The following CACNA2D1 variants were observed in gnomAD, a reference collection of about 807,000 sequenced individuals.
CACNA2D1 encodes the protein voltage-dependent calcium channel subunit alpha-2/delta-1.
In CACNA2D1, 53 loss-of-function variants were observed where a neutral mutation model predicts 171.5. The ratio of observed to expected loss-of-function variants is 0.31; its 90% CI spans 0.25 to 0.39. The LOEUF (loss-of-function observed/expected upper bound fraction) is 0.39. Ranked by LOEUF, CACNA2D1 falls within the 10% of genes least tolerant of loss-of-function variation. The pLI, the probability that CACNA2D1 is intolerant of heterozygous loss-of-function variation, is 1.00. For synonymous variants in CACNA2D1, 442 were observed against 443.1 expected (o/e 1.00, Z 0.03); for missense variants, 903 against 1,299.8 (o/e 0.69, Z 4.69).
intron 3 of CACNA2D1, among the ~76,000 whole-genome samples, chr7:82,239,910 T>C (rs1804048600): frequency 6.6e-6 from 1 of 152,138 alleles, no homozygotes; most frequent in African/African-American, 2.4e-5. Flanking sequence ...TTCTACACAT[T>C]TATGAGATCT....
intron 18 of CACNA2D1, among the ~76,000 whole-genome samples, chr7:82,004,555 G>A (rs1391242941): frequency 2.0e-5 from 3 of 151,882 alleles, no homozygotes; most frequent in African/African-American, 7.3e-5. Context: ...AAGTTTTTGT[G>A]TGAGTATGTT....
At chr7:82,067,255 A>C (rs1224747188) in intron 7 of CACNA2D1, among the ~76,000 whole-genome samples, 1 of 152,130 alleles carries the variant, frequency 6.6e-6, no homozygotes. Flanking sequence ...CACACCTTAG[A>C]CCTAATGAAA....
At chr7:82,300,365 T>C (rs975244769) in intron 3 of CACNA2D1, among the ~76,000 whole-genome samples, 1 of 152,046 alleles carries the variant, frequency 6.6e-6, no homozygotes, top group African/African-American at 2.4e-5. Context: ...GGATTACAGA[T>C]ACCATTTTAA....
chr7:82,086,244 T>C (rs1411166038), intron 6 of CACNA2D1, among the ~76,000 whole-genome samples: 1 of 152,302 alleles, frequency 6.6e-6, no homozygotes, highest in East Asian at 1.9e-4. Context: ...TGAAACAAGA[T>C]GCACGGCCTA....
At chr7:82,034,861 G>C (rs1405938652) in intron 11 of CACNA2D1, among the ~76,000 whole-genome samples, 1 of 152,006 alleles carries the variant, frequency 6.6e-6, no homozygotes, top group Non-Finnish European at 1.5e-5. Context: ...CATTTCCCGA[G>C]AGAGAGATGT....
intron 28 of CACNA2D1, among the ~76,000 whole-genome samples, chr7:81,969,666 A>T (rs1184853967): frequency 6.6e-6 from 1 of 151,228 alleles, no homozygotes; most frequent in Non-Finnish European, 1.5e-5. Context: ...CTATCTCTAA[A>T]TTACTGGAAG....
At chr7:82,099,193 A>G (rs891763053) in intron 6 of CACNA2D1, among the ~76,000 whole-genome samples, 1 of 152,134 alleles carries the variant, frequency 6.6e-6, no homozygotes, top group Admixed American at 6.5e-5. Flanking sequence ...CTTTCCAAAT[A>G]TATCTGTAGC....
intron 3 of CACNA2D1, among the ~76,000 whole-genome samples, chr7:82,244,610 G>GA (rs35391122): frequency 6.6e-6 from 1 of 151,288 alleles, no homozygotes; most frequent in Non-Finnish European, 1.5e-5. Flanking sequence ...AAAATAAAAG[G>GA]AAAATAAAAT....
intron 12 of CACNA2D1, among the ~76,000 whole-genome samples, chr7:82,023,172 A>ATT (rs1267667831): frequency 2.0e-5 from 3 of 151,808 alleles, no homozygotes; most frequent in Non-Finnish European, 4.4e-5. Context: ...TTTTGGCACT[A>ATT]TTTTTAAGGA....
At position 82,236,081 on chromosome 7, in the gene CACNA2D1, A is replaced by G. The variant is rs188441013; in HGVS notation, c.295-65472T>C. Among the ~76,000 whole-genome samples the G allele has an allele frequency of 1.8e-4, 28 of 152,100 alleles. No homozygotes were observed. In the East Asian group the frequency reaches 5.4e-3, roughly 29 times the overall value. ...AGTGAACAGAAATGAGTAGGCTAAC[A>G]TTTGGCAAAATTCTCAGTTACACAG... is the stretch of plus-strand genomic sequence containing the variant. On this transcript the variant is annotated intron_variant, in intron 3 of 38. Transcript: ENST00000356860.
intron 38 of CACNA2D1, among the ~76,000 whole-genome samples, chr7:81,955,987 T>A (rs1433506822): frequency 1.1e-3 from 131 of 117,280 alleles, no homozygotes; most frequent in African/African-American, 3.6e-3. Context: ...TATATTTTTT[T>A]TTTTTTTTTT....
intron 3 of CACNA2D1, among the ~76,000 whole-genome samples, chr7:82,186,768 A>C (rs553858096): frequency 6.6e-6 from 1 of 152,316 alleles, no homozygotes; most frequent in African/African-American, 2.4e-5. Context: ...AAACATGTAT[A>C]GATCTATAAT....
chr7:82,103,100 G>A (rs748134687), intron 6 of CACNA2D1, among the ~76,000 whole-genome samples: 14 of 152,068 alleles, frequency 9.2e-5, no homozygotes, highest in Non-Finnish European at 8.8e-5. Flanking sequence ...TTGAGGGCAC[G>A]AGTTCGAGAC....
At chr7:82,351,343 A>G (rs1278893684) in intron 1 of CACNA2D1, among the ~76,000 whole-genome samples, 1 of 151,806 alleles carries the variant, frequency 6.6e-6, no homozygotes, top group East Asian at 1.9e-4. Flanking sequence ...TATAACATGG[A>G]AGAGATTTAA....
At chr7:82,089,550 A>C (rs368465705) in intron 6 of CACNA2D1, among the ~76,000 whole-genome samples, 17 of 152,332 alleles carry the variant, frequency 1.1e-4, no homozygotes, top group African/African-American at 4.1e-4. Flanking sequence ...AAAGCCAAGC[A>C]TACATCTCTA....
chr7:82,044,205 G>A (rs1202679376), intron 10 of CACNA2D1, among the ~76,000 whole-genome samples: 2 of 152,026 alleles, frequency 1.3e-5, no homozygotes, highest in South Asian at 2.1e-4. Context: ...CTATTAATTC[G>A]CATCCCTTCC....
chr7:81,973,237 T>C (rs1020479678), intron 25 of CACNA2D1, among the ~76,000 whole-genome samples: 1 of 152,048 alleles, frequency 6.6e-6, no homozygotes, highest in Non-Finnish European at 1.5e-5. Flanking sequence ...TACTCATTAA[T>C]AGGAAATAAA....
At chr7:82,020,246 T>TAGCCACAGAGCTGCTCAGAGAA (rs1801022451) in intron 12 of CACNA2D1, among the ~76,000 whole-genome samples, 1 of 152,174 alleles carries the variant, frequency 6.6e-6, no homozygotes, top group East Asian at 1.9e-4. Context: ...ATGATTAGCA[T>TAGCCACAGAGCTGCTCAGAGAA]AGCCACAGAG....
chr7:81,954,268 A>G (rs1361943401), intron 38 of CACNA2D1, among the ~76,000 whole-genome samples: 1 of 152,056 alleles, frequency 6.6e-6, no homozygotes, highest in African/African-American at 2.4e-5. Flanking sequence ...CTTTCAGTTT[A>G]GAACATTAAA....
Sources: gnomAD v4.1 joint callset for allele counts (sites outside exome capture counted in the v4.1 genomes callset) on GRCh38, gnomAD v4.1.1 for gene constraint, MANE v1.5 for transcripts, NCBI Gene and HGNC (gene_info 2026-07-23, HGNC 2026-07-21) for gene names.